ARAP2: variants seen among roughly 807,000 people sequenced by gnomAD.
ARAP2 encodes the protein ArfGAP with RhoGAP domain, ankyrin repeat and PH domain 2, also known as arf-GAP with Rho-GAP domain, ANK repeat and PH domain-containing protein 2.
Under a neutral mutation model 194.5 loss-of-function variants are expected in ARAP2, and 148 were observed. That is an observed-to-expected ratio of 0.76 (90% CI 0.67 to 0.87). ARAP2 has a LOEUF of 0.87. Among genes scored for constraint, ARAP2 ranks in the 40% least tolerant of loss-of-function variants. The pLI, the probability that ARAP2 is intolerant of heterozygous loss-of-function variation, is 0.00. For synonymous variants in ARAP2, 695 were observed against 683.5 expected, an observed-to-expected ratio of 1.02 and a Z score of -0.26; for missense variants, 2,128 against 1,989.7, an observed-to-expected ratio of 1.07 and a Z score of -1.32.
intron 1 of ARAP2, among the ~76,000 whole-genome samples, chr4:36,240,780 G>A (rs187674375): frequency 4.5e-4 from 68 of 152,226 alleles, no homozygotes; most frequent in African/African-American, 1.5e-3. Context: ...GATTGTCTAA[G>A]CTATGTTTTG....
At chr4:36,005,497 C>T (rs1292544139) in intron 10 of ARAP2, 1 of 152,072 alleles carries the variant, frequency 6.6e-6, no homozygotes, top group Admixed American at 6.6e-5. Context: ...AAAGCAAATT[C>T]AGGTGGCTTT....
intron 23 of ARAP2, 73 bp from the exon 24 acceptor site, chr4:36,119,791 T>A: frequency 9.6e-7 from 1 of 1,044,348 alleles, no homozygotes; most frequent in Non-Finnish European, 1.4e-6. Flanking sequence ...CCTCATGTAA[T>A]CTTCAGGAAT....
At chr4:36,133,146 C>G in intron 20 of ARAP2, 80 bp downstream of exon 20, 1 of 1,433,210 alleles carries the variant, frequency 7.0e-7, no homozygotes, top group Non-Finnish European at 9.6e-7. Context: ...TTAACTCAGT[C>G]CAATAGAGGT....
rs569070242 is a variant in ARAP2, at chr4:36,166,851, A to T, written c.1973+81T>A. The T allele has an allele frequency of 5.5e-4, 403 of 732,562 alleles. 1 individual carries two copies. Among genetic ancestry groups the T allele is most frequent in the Non-Finnish European group, 7.0e-4 (338 of 485,506 alleles). The allele number at this position is 732,562 out of a possible 1,614,324, so 45.4% of individuals were successfully genotyped here. On this transcript the variant is annotated intron_variant, in intron 10 of 32. Coordinates refer to ENST00000303965, the MANE Select transcript of ARAP2 (RefSeq NM_015230.4). Reference sequence around the variant, plus strand: ...AATTTTAAATGGCCTACAAGAGAAAAATCACCACGAACAACATAAAGGTGG... The same window carrying T: ...AATTTTAAATGGCCTACAAGAGAAATATCACCACGAACAACATAAAGGTGG...
intron 1 of ARAP2, among the ~76,000 whole-genome samples, chr4:36,232,279 C>T (rs543226962): frequency 6.6e-6 from 1 of 152,300 alleles, no homozygotes; most frequent in South Asian, 2.1e-4. Context: ...TTACTGCAAT[C>T]GTCTCTGAAC....
chr4:36,202,083 C>A (rs969644375), intron 6 of ARAP2, among the ~76,000 whole-genome samples: 1 of 152,116 alleles, frequency 6.6e-6, no homozygotes, highest in East Asian at 1.9e-4. Flanking sequence ...GTTTACATAG[C>A]CCTAAAGAAT....
intron 19 of ARAP2, among the ~76,000 whole-genome samples, chr4:36,141,040 C>T (rs759669988): frequency 5.3e-5 from 8 of 151,566 alleles, no homozygotes; most frequent in Non-Finnish European, 1.2e-4. Flanking sequence ...ATGGTAAACA[C>T]AGTAACTTAT....
chr4:36,030,589 C>A (rs1304088005), intron 5 of ARAP2, among the ~76,000 whole-genome samples: 2 of 152,054 alleles, frequency 1.3e-5, no homozygotes, highest in Non-Finnish European at 2.9e-5. Context: ...TTCTCTCTGA[C>A]CCTTTTGAGC....
Position 36,005,507 on chromosome 4 carries a change from T to C in ARAP2, n.1469+1396A>G, listed in dbSNP as rs374919294. The stretch of plus-strand genomic sequence containing the variant: ...TTCCAAAAGCAAATTCAGGTGGCTT[T>C]ATAAGAAATGTACAATACACCTAAA... On this transcript the variant is annotated intron_variant and non_coding_transcript_variant, in intron 10 of 12. Transcript: ENST00000503225. 19 of 152,272 alleles carry C rather than the reference T, an allele frequency of 1.2e-4. No individual in the cohort carries two copies. The South Asian group carries it at 3.1e-3, about 25-fold the overall frequency. 9.4% of individuals were successfully genotyped at this position (152,272 alleles called of 1,614,324 possible).
chr4:36,188,512 A>G (rs1741087329), intron 7 of ARAP2, among the ~76,000 whole-genome samples: 1 of 152,210 alleles, frequency 6.6e-6, no homozygotes, highest in African/African-American at 2.4e-5. Context: ...AACCAGATAG[A>G]CAAGTGCGTG....
chr4:36,193,848 G>C (rs1170185556), intron 6 of ARAP2, among the ~76,000 whole-genome samples: 2 of 152,150 alleles, frequency 1.3e-5, no homozygotes, highest in African/African-American at 4.8e-5. Context: ...AGTTGACCTA[G>C]GAATTTTTTG....
intron 3 of ARAP2, among the ~76,000 whole-genome samples, chr4:36,213,869 T>C (rs1747326893): frequency 6.6e-6 from 1 of 152,130 alleles, no homozygotes; most frequent in Non-Finnish European, 1.5e-5. Flanking sequence ...ATCCTTGAAT[T>C]ATACTAATCT....
intron 6 of ARAP2, among the ~76,000 whole-genome samples, chr4:36,206,422 A>T (rs1745550976): frequency 6.6e-6 from 1 of 151,942 alleles, no homozygotes; most frequent in Admixed American, 6.6e-5. Context: ...AATAACTCCA[A>T]CCTCCACCTG....
intron 6 of ARAP2, among the ~76,000 whole-genome samples, chr4:36,204,987 CAAAAAAAAAAAAAAAAAA>C (rs754960122): frequency 1.1e-4 from 4 of 35,072 alleles, no homozygotes; most frequent in Non-Finnish European, 1.4e-4. Flanking sequence ...GACTCCATCT[CAAAAAAAAAAAAAAAAAA>C]AAAAAAAAAA....
chr4:36,092,477 C>T lies in ARAP2; in HGVS notation c.4286-457G>A, dbSNP rs898551194. On this transcript the variant is annotated intron_variant, in intron 27 of 32. Coordinates refer to ENST00000303965, the MANE Select transcript of ARAP2 (RefSeq NM_015230.4). ...TACAAAAATCAGCCAGGTGTGGTGG[C>T]ACATGCCTGTAGTCCGAGCCACTGG... Among the ~76,000 whole-genome samples the T allele has an allele frequency of 2.0e-5, 3 of 151,984 alleles. No individual in the cohort carries two copies. The East Asian group carries it at 5.8e-4, about 29-fold the overall frequency.
intron 5 of ARAP2, among the ~76,000 whole-genome samples, chr4:36,027,997 C>T (rs555632968): frequency 1.3e-4 from 20 of 152,228 alleles, no homozygotes; most frequent in African/African-American, 4.6e-4. Context: ...AACATGTTCT[C>T]AGCTTGAGGA....
intron 23 of ARAP2, among the ~76,000 whole-genome samples, chr4:36,120,187 T>A (rs1005421583): frequency 5.3e-5 from 8 of 151,600 alleles, no homozygotes; most frequent in Admixed American, 5.3e-4. Context: ...TTTTTCTAAA[T>A]CTTTATTTTC....
intron 11 of ARAP2, among the ~76,000 whole-genome samples, chr4:36,163,503 T>G (rs566410374): frequency 1.3e-5 from 2 of 152,166 alleles, no homozygotes; most frequent in East Asian, 3.9e-4. Context: ...TACAGAATGC[T>G]GAAGAAAACT....
At chr4:36,009,136 G>C (rs1418285635) in intron 9 of ARAP2, among the ~76,000 whole-genome samples, 1 of 152,078 alleles carries the variant, frequency 6.6e-6, no homozygotes, top group Non-Finnish European at 1.5e-5. Flanking sequence ...GAGCAGTTTG[G>C]AGATTTCTCC....
Sources: gnomAD v4.1 joint callset for allele counts (sites outside exome capture counted in the v4.1 genomes callset) on GRCh38, gnomAD v4.1.1 for gene constraint, MANE v1.5 for transcripts, NCBI Gene and HGNC (gene_info 2026-07-23, HGNC 2026-07-21) for gene names.